FKBP14: variants seen among roughly 807,000 people sequenced by gnomAD.
The protein encoded by FKBP14 is peptidyl-prolyl cis-trans isomerase FKBP14.
Under a neutral mutation model 21.6 loss-of-function variants are expected in FKBP14, and 20 were observed. That is an observed-to-expected ratio of 0.92 (90% CI 0.65 to 1.34). FKBP14 has a LOEUF of 1.34. Among genes scored for constraint, FKBP14 ranks in the 40% most tolerant of loss-of-function variants. FKBP14 has a pLI of 0.00. For synonymous variants in FKBP14, 79 were observed against 86.7 expected (o/e 0.91, Z 0.49); for missense variants, 253 against 249.0 (o/e 1.02, Z -0.11).
intron 3 of FKBP14, among the ~76,000 whole-genome samples, chr7:30,017,998 G>GAAATAAATAAAT (rs56283024): frequency 6.9e-6 from 1 of 145,754 alleles, no homozygotes; most frequent in African/African-American, 2.6e-5. Context: ...TCCCTCTCAG[G>GAAATAAATAAAT]AAATAAATAA....
intron 2 of FKBP14, among the ~76,000 whole-genome samples, chr7:30,021,075 T>C (rs1451265925): frequency 6.6e-6 from 1 of 152,190 alleles, no homozygotes; most frequent in Non-Finnish European, 1.5e-5. Flanking sequence ...TATATCAGAG[T>C]AGTTGTCTGT....
intron 3 of FKBP14, among the ~76,000 whole-genome samples, chr7:30,018,003 AAATAAAT>A (rs540081063): frequency 0.22 from 1,078 of 4,906 alleles, 18 homozygotes; most frequent in African/African-American, 0.39. Context: ...CTCAGGAAAT[AAATAAAT>A]AAATAAATAA....
chr7:30,011,297 T>C lies in FKBP14; in HGVS notation c.*3438A>G, dbSNP rs1014146644. On this transcript the variant is annotated 3_prime_UTR_variant, in exon 4 of 4. Transcript: ENST00000222803. ...CTCGAGTGATCCACCCACCTTGGCC[T>C]CCCATAATGCTGGGATTATAGGCAT... The C allele has an allele frequency of 1.3e-5, 2 of 151,766 alleles. No homozygotes were observed. The highest frequency in any genetic ancestry group is 4.8e-5 in the African/African-American group (2 of 41,294). The allele number at this position is 151,766 out of a possible 1,614,324, so 9.4% of individuals were successfully genotyped here.
intron 3 of FKBP14, among the ~76,000 whole-genome samples, chr7:30,015,640 T>C (rs1780793184): frequency 1.3e-5 from 2 of 148,326 alleles, no homozygotes; most frequent in African/African-American, 4.9e-5. Flanking sequence ...TTTTTTTTTT[T>C]TTTGAGACGG....
chr7:30,008,844 C>G (rs188382688), downstream of FKBP14, among the ~76,000 whole-genome samples: 10 of 151,752 alleles, frequency 6.6e-5, no homozygotes, highest in African/African-American at 2.2e-4. Flanking sequence ...GGCGTGGTGG[C>G]AGGCGCCTGT....
rs77086336 is a variant in FKBP14, at chr7:30,026,530, G to A, written c.-22C>T. 419 of 1,594,484 alleles carry A rather than the reference G, an allele frequency of 2.6e-4. No homozygotes were observed. The African/African-American group carries it at 5.1e-3, about 20-fold the overall frequency. ...TCATGTTGCTGAAGCAAGGAAAGAA[G>A]TCCCTACAAAAGCAGCGAAAGGTCC... On this transcript the variant is annotated 5_prime_UTR_variant, in exon 1 of 4. Transcript: ENST00000222803.
chr7:30,017,231 TAATAG>T (rs1414331780), intron 3 of FKBP14, among the ~76,000 whole-genome samples: 4 of 149,974 alleles, frequency 2.7e-5, no homozygotes, highest in Admixed American at 6.6e-5. Context: ...GATGTGGGGA[TAATAG>T]AATAGAAGAG....
intron 3 of FKBP14, among the ~76,000 whole-genome samples, chr7:30,016,585 G>A (rs1000964009): frequency 6.6e-6 from 1 of 151,794 alleles, no homozygotes; most frequent in African/African-American, 2.4e-5. Flanking sequence ...GTAGAGACAG[G>A]GTTTCACCAA....
At chr7:30,022,896 GGTTAA>G (rs1790074438) in intron 1 of FKBP14, 80 bp from the exon 2 acceptor site, 7 of 1,322,174 alleles carry the variant, frequency 5.3e-6, no homozygotes, top group Non-Finnish European at 7.2e-6. Context: ...ACCAGTAAGT[GGTTAA>G]GTTTATTAGT....
intron 1 of FKBP14, among the ~76,000 whole-genome samples, chr7:30,023,963 G>A (rs1178221649): frequency 6.6e-6 from 1 of 152,118 alleles, no homozygotes; most frequent in African/African-American, 2.4e-5. Flanking sequence ...TGGGGACGAG[G>A]GAAATAGAAT....
rs771396716 is a variant in FKBP14 at position 30,019,088 on chromosome 7, T to C, written c.385A>G (p.Ile129Val). ...CCATTTCGAATCTCCAGGAGATCAA[T>C]ATTAAATATCAGTGTACTTTCTGGG... ...IPPESTLIFN[I>V]DLLEIRNGPR... Residue 129 changes from isoleucine to valine, a missense_variant, in exon 3 of 4, where the codon ATT becomes GTT. By Grantham distance (29) the Ile-to-Val change is conservative (BLOSUM62 3). Coordinates refer to ENST00000222803, the MANE Select transcript of FKBP14 (RefSeq NM_017946.4). 6.3e-7 allele frequency: 1 copy of C among 1,588,074 alleles called. No homozygotes were observed. The highest frequency in any genetic ancestry group is 1.4e-5 in the African/African-American group (1 of 73,034).
chr7:30,022,519 CAA>C, intron 2 of FKBP14, 144 bp downstream of exon 2: 1 of 722,748 alleles, frequency 1.4e-6, no homozygotes, highest in South Asian at 2.5e-5. Flanking sequence ...AATTGATACT[CAA>C]GACATAATAC....
In FKBP14 at chr7:30,013,755, A is replaced by G. The variant is rs1789806640; in HGVS notation, c.*980T>C. 1 of 152,234 alleles carries G rather than the reference A, an allele frequency of 6.6e-6. No homozygotes were observed. Among genetic ancestry groups the G allele is most frequent in the South Asian group, 2.1e-4 (1 of 4,834 alleles). 9.4% of individuals were successfully genotyped at this position (152,234 alleles called of 1,614,324 possible). ...AACATATTGATACATTTTATTACAA[A>G]GAAACTCACACATAAATGATTTGTC... On this transcript the variant is annotated 3_prime_UTR_variant, in exon 4 of 4. Transcript: ENST00000222803.
At chr7:30,020,191 T>A (rs918702892) in intron 2 of FKBP14, 1 of 1,159,956 alleles carries the variant, frequency 8.6e-7, no homozygotes, top group African/African-American at 1.7e-5. Context: ...AGAGAAGACT[T>A]ATAAAGTGTG....
chr7:30,022,656 T>C lies in FKBP14; in HGVS notation c.349+9A>G, dbSNP rs1385194662. On this transcript the variant is annotated intron_variant, in intron 2 of 3. Transcript: ENST00000222803. ...TGCTATAGTAAGAAAAATACAGAAA[T>C]ACTATTACCTTTTCCTTCTTTTCCA... The C allele has an allele frequency of 6.2e-7, 1 of 1,607,968 alleles. No individual in the cohort carries two copies. The highest frequency in any genetic ancestry group is 1.3e-5 in the African/African-American group (1 of 74,632).
downstream of FKBP14, among the ~76,000 whole-genome samples, chr7:30,009,458 C>A (rs565597372): frequency 2.6e-5 from 4 of 152,174 alleles, no homozygotes; most frequent in Non-Finnish European, 5.9e-5. Flanking sequence ...GTCTCGAGCA[C>A]CTGACCTCAA....
chr7:30,024,405 ATTTC>A (rs1244427186), intron 1 of FKBP14, among the ~76,000 whole-genome samples: 1 of 152,092 alleles, frequency 6.6e-6, no homozygotes, highest in Non-Finnish European at 1.5e-5. Flanking sequence ...ATTTGATGGT[ATTTC>A]TTTTTCTTCA....
At chr7:30,024,555 G>A (rs535271698) in intron 1 of FKBP14, among the ~76,000 whole-genome samples, 345 of 152,178 alleles carry the variant, frequency 2.3e-3, no homozygotes, top group Middle Eastern at 6.8e-3. Context: ...TGCCCACCAC[G>A]CCCAGATAAC....
chr7:30,023,173 C>T (rs984397258), intron 1 of FKBP14, among the ~76,000 whole-genome samples: 3 of 152,070 alleles, frequency 2.0e-5, no homozygotes, highest in African/African-American at 7.2e-5. Flanking sequence ...CCATTACTAC[C>T]CCATTGCACA....
Sources: allele counts gnomAD v4.1 joint callset (sites outside exome capture counted in the v4.1 genomes callset), GRCh38; gene constraint gnomAD v4.1.1; transcripts MANE v1.5; gene names NCBI Gene and HGNC (gene_info 2026-07-23, HGNC 2026-07-21).